MSN: variants seen among roughly 807,000 people sequenced by gnomAD.
MSN encodes moesin, also known as epididymis luminal protein 70.
Under a neutral mutation model 48.0 loss-of-function variants are expected in MSN, and 2 were observed. The ratio of observed to expected loss-of-function variants is 0.04; its 90% CI spans 0.02 to 0.13. MSN has a LOEUF of 0.13. Among genes scored for constraint, MSN ranks in the 10% least tolerant of loss-of-function variants. MSN has a pLI of 1.00. For missense variants in MSN, 267 were observed against 470.1 expected, an observed-to-expected ratio of 0.57 and a Z score of 3.99; for synonymous variants, 146 against 166.9, an observed-to-expected ratio of 0.87 and a Z score of 0.97.
intron 1 of MSN, among the ~76,000 whole-genome samples, chrX:65,653,090 G>T (rs1202414858): frequency 2.7e-5 from 3 of 111,707 alleles, no homozygotes; most frequent in Non-Finnish European, 5.6e-5. Flanking sequence ...AGACCTCTTG[G>T]CCCCCAGTCC....
intron 1 of MSN, among the ~76,000 whole-genome samples, chrX:65,596,077 GT>G (rs1011700641): frequency 3.9e-4 from 41 of 106,432 alleles, no homozygotes; most frequent in South Asian, 8.0e-4. Context: ...CATCCTGTTG[GT>G]TTTTTTTTTT....
intron 1 of MSN, among the ~76,000 whole-genome samples, chrX:65,706,036 A>G (rs2071358679): frequency 8.9e-6 from 1 of 111,937 alleles, no homozygotes; most frequent in Non-Finnish European, 1.9e-5. Flanking sequence ...ACCACTTCCA[A>G]GTCAACAGGG....
intron 1 of MSN, among the ~76,000 whole-genome samples, chrX:65,608,041 T>A (rs1168926306): frequency 8.9e-6 from 1 of 112,378 alleles, no homozygotes; most frequent in East Asian, 2.8e-4. Context: ...GGCATAGCCC[T>A]ACCAGACTGC....
rs184893373 is a variant in MSN at position 65,612,116 on chromosome X, A to T, written c.-22+23504A>T. Among the ~76,000 whole-genome samples, 150 of 111,957 alleles carry T rather than the reference A, an allele frequency of 1.3e-3. 1 individual carries two copies. Among genetic ancestry groups the T allele is most frequent in the Middle Eastern group, 4.6e-3 (1 of 218 alleles). ...TGGAAACTTACTCCCCAATGCAACAATTGGGAGGTGGGAGGTGGGACCTAA... is the reference window on the plus strand; with the variant it reads ...TGGAAACTTACTCCCCAATGCAACATTTGGGAGGTGGGAGGTGGGACCTAA... On this transcript the variant is annotated intron_variant, in intron 1 of 3. Transcript: ENST00000609672.
chrX:65,688,615 T>A (rs1162007877), intron 1 of MSN, among the ~76,000 whole-genome samples: 1 of 111,862 alleles, frequency 8.9e-6, no homozygotes, highest in African/African-American at 3.3e-5. Context: ...AGAAAGGAAG[T>A]TTCAGCTTTA....
intron 1 of MSN, among the ~76,000 whole-genome samples, chrX:65,590,304 C>A (rs2070136121): frequency 9.0e-6 from 1 of 111,307 alleles, no homozygotes; most frequent in Admixed American, 9.5e-5. Flanking sequence ...GAGACCCATA[C>A]CCAGGACTTT....
chrX:65,620,793 AT>A (rs1179419727), intron 1 of MSN, among the ~76,000 whole-genome samples: 103 of 101,611 alleles, frequency 1.0e-3, no homozygotes, highest in African/African-American at 3.3e-3. Flanking sequence ...CAATTTACCT[AT>A]TTTTTTTTCT....
rs368929037 is a variant in MSN at position 65,710,980 on chromosome X, G to A, written c.13-5838G>A. ...GCTCACTGCAGCCTCTGCCTCCTGG[G>A]TTCAAGCGATTCTCCTGCCTCAGCC... is the stretch of plus-strand genomic sequence containing the variant. On this transcript the variant is annotated intron_variant, in intron 1 of 12. Coordinates refer to ENST00000360270, the MANE Select transcript of MSN (RefSeq NM_002444.3). Among the ~76,000 whole-genome samples, 31 of 103,962 alleles carry A rather than the reference G, an allele frequency of 3.0e-4. No homozygotes were observed. The East Asian group carries it at 8.6e-3, about 29-fold the overall frequency. 90.3% of individuals were successfully genotyped at this position (103,962 alleles called of 115,157 possible). A position where few individuals can be genotyped will look rare whatever the true frequency, so the allele number is the denominator to read the frequency against.
In MSN at chrX:65,614,519, T is replaced by C. The variant is rs1343053893; in HGVS notation, c.-22+25907T>C. 2.8e-5 allele frequency among the ~76,000 whole-genome samples: 3 copies of C among 108,800 alleles called. No individual in the cohort carries two copies. In the East Asian group the frequency reaches 8.7e-4, roughly 31 times the overall value. The allele number at this position is 108,800 out of a possible 115,157, so 94.5% of individuals were successfully genotyped here. The stretch of plus-strand genomic sequence containing the variant: ...CCTATCCATGAGCATGGAATGTTTT[T>C]CCCTTTGTTGTGTCCTCTTATTTCC... On this transcript the variant is annotated intron_variant, in intron 1 of 3. Coordinates refer to the MSN transcript ENST00000609672.
chrX:65,697,343 C>T (rs2071254647), intron 1 of MSN, among the ~76,000 whole-genome samples: 2 of 111,612 alleles, frequency 1.8e-5, no homozygotes, highest in Non-Finnish European at 3.8e-5. Context: ...CAACTTCTTA[C>T]GTGAGTAAGG....
At chrX:65,591,562 TTGCCAGTTTC>T (rs2070147122) in intron 1 of MSN, among the ~76,000 whole-genome samples, 1 of 112,020 alleles carries the variant, frequency 8.9e-6, no homozygotes, top group Admixed American at 9.4e-5. Context: ...TTCTTTCCTT[TTGCCAGTTTC>T]TGGTTACAGA....
chrX:65,636,776 C>CAAA lies in MSN; in HGVS notation c.-22+48165_-22+48166insAAA, dbSNP rs2070604946. Among the ~76,000 whole-genome samples, 79 of 82,862 alleles carry CAAA rather than the reference C, an allele frequency of 9.5e-4. 2 individuals are homozygous for CAAA. The highest frequency in any genetic ancestry group is 4.5e-3 in the African/African-American group (75 of 16,587). 72.0% of individuals were successfully genotyped at this position (82,862 alleles called of 115,157 possible). A position where few individuals can be genotyped will look rare whatever the true frequency, so the allele number is the denominator to read the frequency against. ...AAAAAAAAAAAAAAAAAAAAAAAAC[C>CAAA]AGAAAGAAAGAAAAGAAAAGAAGGG... On this transcript the variant is annotated intron_variant, in intron 1 of 3. Transcript: ENST00000609672.
chrX:65,713,512 T>C (rs1169175727), intron 1 of MSN, among the ~76,000 whole-genome samples: 1 of 112,265 alleles, frequency 8.9e-6, no homozygotes, highest in Non-Finnish European at 1.9e-5. Context: ...ATCCCATTCC[T>C]GCCTTTGCAC....
At chrX:65,722,891 A>C (rs2147505397) in intron 2 of MSN, among the ~76,000 whole-genome samples, 1 of 111,347 alleles carries the variant, frequency 9.0e-6, no homozygotes, top group Admixed American at 9.5e-5. Context: ...TGGGCTCCTA[A>C]GCTGACCTGA....
intron 1 of MSN, among the ~76,000 whole-genome samples, chrX:65,680,078 A>G (rs1435881451): frequency 1.8e-5 from 2 of 112,005 alleles, no homozygotes; most frequent in African/African-American, 6.5e-5. Context: ...TAGGTGGTGG[A>G]TCAAAATGGC....
chrX:65,717,088 C>T (rs935315965), intron 2 of MSN, among the ~76,000 whole-genome samples, 187 bp downstream of exon 2: 5 of 111,731 alleles, frequency 4.5e-5, no homozygotes, highest in African/African-American at 1.3e-4. Context: ...AGCCTGCACC[C>T]TATGGTCCTG....
chrX:65,691,808 T>C (rs1436562904), intron 1 of MSN, among the ~76,000 whole-genome samples: 1 of 111,994 alleles, frequency 8.9e-6, no homozygotes, highest in African/African-American at 3.2e-5. Context: ...TCCCGGCTCT[T>C]TTCTTTTTCT....
intron 1 of MSN, among the ~76,000 whole-genome samples, chrX:65,596,600 C>CTT (rs1287923920): frequency 1.1e-5 from 1 of 93,624 alleles, no homozygotes. Context: ...TTTTCTTTTT[C>CTT]TTTTTTTTTT....
At chrX:65,674,744 C>T (rs1241667931) in intron 1 of MSN, among the ~76,000 whole-genome samples, 1 of 111,634 alleles carries the variant, frequency 9.0e-6, no homozygotes, top group East Asian at 2.8e-4. Context: ...AAGTTCACCA[C>T]TCACCTCTAG....
Sources: gnomAD v4.1 joint callset for allele counts (sites outside exome capture counted in the v4.1 genomes callset) on GRCh38, gnomAD v4.1.1 for gene constraint, MANE v1.5 for transcripts, NCBI Gene and HGNC (gene_info 2026-07-23, HGNC 2026-07-21) for gene names.